EPHA6: variants seen among roughly 807,000 people sequenced by gnomAD.
EPHA6 encodes the protein ephrin type-A receptor 6.
Under a neutral mutation model 112.0 loss-of-function variants are expected in EPHA6, and 50 were observed. The ratio of observed to expected loss-of-function variants is 0.45; its 90% CI spans 0.36 to 0.56. The LOEUF (loss-of-function observed/expected upper bound fraction) is 0.56. Among genes scored for constraint, EPHA6 ranks in the 20% least tolerant of loss-of-function variants. The probability of loss-of-function intolerance (pLI) is 0.00; values close to 1 mark genes in which losing one functional copy is unlikely to be tolerated. For missense variants in EPHA6, 1,280 were observed against 1,417.4 expected (o/e 0.90, Z 1.56); for synonymous variants, 529 against 490.7 (o/e 1.08, Z -1.03).
At chr3:97,237,569 A>G (rs187925782) in intron 4 of EPHA6, among the ~76,000 whole-genome samples, 1 of 152,146 alleles carries the variant, frequency 6.6e-6, no homozygotes, top group East Asian at 1.9e-4. Flanking sequence ...GTCCCACTCA[A>G]TATCATCTGT....
At chr3:97,091,628 AT>A (rs1261752855) in intron 3 of EPHA6, among the ~76,000 whole-genome samples, 1 of 152,136 alleles carries the variant, frequency 6.6e-6, no homozygotes, top group East Asian at 1.9e-4. Context: ...TCTGTTTTCT[AT>A]TCTGTAAGAT....
At chr3:97,087,149 C>G (rs150070252) in intron 3 of EPHA6, among the ~76,000 whole-genome samples, 1 of 152,120 alleles carries the variant, frequency 6.6e-6, no homozygotes, top group Non-Finnish European at 1.5e-5. Context: ...CCTAGAAGAG[C>G]AAGGATTCTG....
chr3:97,006,402 T>TTA (rs1306005014), intron 3 of EPHA6, among the ~76,000 whole-genome samples: 2 of 152,220 alleles, frequency 1.3e-5, no homozygotes, highest in Non-Finnish European at 2.9e-5. Context: ...ATAGAGATGT[T>TTA]TATAGTATTC....
intron 8 of EPHA6, among the ~76,000 whole-genome samples, chr3:97,477,485 G>C (rs2091409632): frequency 6.6e-6 from 1 of 150,798 alleles, no homozygotes; most frequent in African/African-American, 2.4e-5. Context: ...GGAAGGAAGG[G>C]AGGGAGGAAA....
chr3:97,006,884 T>G (rs1452490407), intron 3 of EPHA6, among the ~76,000 whole-genome samples: 1 of 152,206 alleles, frequency 6.6e-6, no homozygotes, highest in African/African-American at 2.4e-5. Context: ...CAGGAGCAGG[T>G]TGTTCAATTT....
chr3:97,100,205 C>G (rs765405919), intron 3 of EPHA6, among the ~76,000 whole-genome samples: 1 of 150,358 alleles, frequency 6.7e-6, no homozygotes, highest in East Asian at 1.9e-4. Context: ...AATGCAGTCA[C>G]CTAGAGATCA....
intron 6 of EPHA6, among the ~76,000 whole-genome samples, chr3:97,413,044 A>C (rs1476685693): frequency 2.0e-5 from 3 of 151,728 alleles, no homozygotes; most frequent in African/African-American, 7.3e-5. Context: ...GGGGAGTAAC[A>C]AGGACATAAA....
intron 5 of EPHA6, among the ~76,000 whole-genome samples, chr3:97,267,356 T>A (rs567219322): frequency 6.6e-6 from 1 of 152,240 alleles, no homozygotes; most frequent in East Asian, 1.9e-4. Context: ...AATAGAAAAC[T>A]ATAATCCAAT....
At chr3:97,018,194 C>T (rs1055315718) in intron 3 of EPHA6, among the ~76,000 whole-genome samples, 4 of 151,914 alleles carry the variant, frequency 2.6e-5, no homozygotes, top group Admixed American at 1.3e-4. Context: ...AATTTCTTCT[C>T]TTTTTCTGTC....
intron 10 of EPHA6, among the ~76,000 whole-genome samples, chr3:97,523,859 A>G (rs974616668): frequency 1.1e-4 from 17 of 152,130 alleles, no homozygotes; most frequent in African/African-American, 4.1e-4. Flanking sequence ...TAATATAACA[A>G]TTATATAAGC....
chr3:97,199,737 G>GA (rs1486309576), intron 3 of EPHA6, among the ~76,000 whole-genome samples: 4 of 151,938 alleles, frequency 2.6e-5, no homozygotes, highest in Non-Finnish European at 4.4e-5. Flanking sequence ...TCTCCTTCCA[G>GA]AAAAAACAAA....
intron 3 of EPHA6, among the ~76,000 whole-genome samples, chr3:97,037,150 A>G (rs2045131021): frequency 6.6e-6 from 1 of 152,140 alleles, no homozygotes; most frequent in Non-Finnish European, 1.5e-5. Context: ...TATGATTCAT[A>G]TCTATGCTAT....
chr3:97,265,561 G>A (rs940987137), intron 5 of EPHA6, among the ~76,000 whole-genome samples: 10 of 152,204 alleles, frequency 6.6e-5, no homozygotes, highest in African/African-American at 2.4e-4. Flanking sequence ...GAGATGCCAG[G>A]CAGCAGAAGC....
At chr3:97,131,891 T>TAA (rs2075637257) in intron 3 of EPHA6, among the ~76,000 whole-genome samples, 1 of 152,126 alleles carries the variant, frequency 6.6e-6, no homozygotes, top group Admixed American at 6.6e-5. Flanking sequence ...CTTATACGGT[T>TAA]TCAATCATAA....
intron 1 of EPHA6, among the ~76,000 whole-genome samples, chr3:96,819,353 A>T (rs1576044910): frequency 6.6e-6 from 1 of 152,080 alleles, no homozygotes; most frequent in Non-Finnish European, 1.5e-5. Flanking sequence ...TTCACTAATC[A>T]TTGTTAGTAT....
At chr3:97,407,073 A>G (rs2107079228) in intron 6 of EPHA6, among the ~76,000 whole-genome samples, 1 of 152,216 alleles carries the variant, frequency 6.6e-6, no homozygotes, top group South Asian at 2.1e-4. Context: ...TTTATACCTG[A>G]TATGTTTGAG....
In EPHA6 at chr3:96,994,732, T is replaced by TATATAGAG. The variant is rs1170197805; in HGVS notation, c.1114+6740_1114+6741insTATAGAGA. ...GTGTATATATATATATATATATATA[T>TATATAGAG]AGAGAGAGAGAGAGAGAGAGAGAGA... is the stretch of plus-strand genomic sequence containing the variant. On this transcript the variant is annotated intron_variant, in intron 3 of 17. Transcript: ENST00000389672. Among the ~76,000 whole-genome samples the TATATAGAG allele has an allele frequency of 3.8e-3, 315 of 82,178 alleles. 3 individuals carry two copies. The highest frequency in any genetic ancestry group is 0.017 in the African/African-American group (264 of 15,526). The allele number at this position is 82,178 out of a possible 152,430, so 53.9% of individuals were successfully genotyped here.
At chr3:97,124,020 G>A (rs1259831570) in intron 3 of EPHA6, among the ~76,000 whole-genome samples, 2 of 151,962 alleles carry the variant, frequency 1.3e-5, no homozygotes, top group African/African-American at 2.4e-5. Flanking sequence ...TCTATGGAAT[G>A]CATTTGTATC....
At chr3:97,231,649 C>T (rs987399360) in intron 4 of EPHA6, among the ~76,000 whole-genome samples, 2 of 151,864 alleles carry the variant, frequency 1.3e-5, no homozygotes, top group African/African-American at 4.8e-5. Context: ...ATGAGTGCAC[C>T]CAAGGAACAA....
Sources: gnomAD v4.1 joint callset for allele counts (sites outside exome capture counted in the v4.1 genomes callset) on GRCh38, gnomAD v4.1.1 for gene constraint, MANE v1.5 for transcripts, NCBI Gene and HGNC (gene_info 2026-07-23, HGNC 2026-07-21) for gene names.